Variants in MYO6 observed in about 807,000 individuals in gnomAD.
The protein encoded by MYO6 is unconventional myosin-VI.
In MYO6, 74 loss-of-function variants were observed where a neutral mutation model predicts 178.7. That is an observed-to-expected ratio of 0.41 (90% confidence interval 0.34 to 0.50). MYO6 has a LOEUF of 0.50. Ranked by LOEUF, MYO6 falls within the 20% of genes least tolerant of loss-of-function variation. The pLI, the probability that MYO6 is intolerant of heterozygous loss-of-function variation, is 0.09. For synonymous variants in MYO6, 477 were observed against 504.6 expected (o/e 0.95, Z 0.73); for missense variants, 1,330 against 1,547.4 (o/e 0.86, Z 2.36).
At chr6:75,758,506 G>T (rs1393139517) in intron 1 of MYO6, among the ~76,000 whole-genome samples, 1 of 152,070 alleles carries the variant, frequency 6.6e-6, no homozygotes, top group Admixed American at 6.6e-5. Context: ...TGTCACCCAG[G>T]CTGGAGTGCA....
chr6:75,755,611 G>A (rs1040586051), intron 1 of MYO6, among the ~76,000 whole-genome samples: 1 of 152,126 alleles, frequency 6.6e-6, no homozygotes, highest in Non-Finnish European at 1.5e-5. Context: ...ATGTTCTGGG[G>A]GAATTTTGAA....
At chr6:75,855,731 G>T (rs1775673020) in intron 12 of MYO6, among the ~76,000 whole-genome samples, 1 of 152,072 alleles carries the variant, frequency 6.6e-6, no homozygotes, top group Non-Finnish European at 1.5e-5. Flanking sequence ...GCTTAACCAA[G>T]ATTTTAAAAA....
At chr6:75,781,746 C>T (rs1767001144) in intron 1 of MYO6, among the ~76,000 whole-genome samples, 1 of 151,748 alleles carries the variant, frequency 6.6e-6, no homozygotes, top group Non-Finnish European at 1.5e-5. Flanking sequence ...TATGGTGAAA[C>T]CCTGTCTCTA....
chr6:75,914,161 G>T lies in MYO6; in HGVS notation c.3538G>T (p.Asp1180Tyr), dbSNP rs779535270. The T allele has an allele frequency of 1.2e-6, 2 of 1,614,060 alleles. No individual in the cohort carries two copies. Among genetic ancestry groups the T allele is most frequent in the Non-Finnish European group, 1.7e-6 (2 of 1,180,018 alleles). The change falls in exon 34 of 35, where the codon GAC (aspartate) becomes TAC (tyrosine). Residue 1180 changes from aspartate to tyrosine, a missense_variant. Around this residue, in one of 3 missense-constraint regions of MYO6, gnomAD observed 601 missense variants for 626.1 expected, o/e 0.96. Transcript: ENST00000369977. ...FFRIPFIRPA[D>Y]QYKDPQSKKK... ...CCGCATCCCATTCATCCGCCCTGCC[G>T]ACCAGTACAAAGACCCTCAGAGTAA...
chr6:75,867,156 G>T, intron 18 of MYO6, 51 bp downstream of exon 18: 1 of 1,392,420 alleles, frequency 7.2e-7, no homozygotes, highest in Non-Finnish European at 9.8e-7. Flanking sequence ...TGAAATTATT[G>T]TTTTATATTC....
chr6:75,882,805 G>GA (rs1778149478), intron 23 of MYO6, among the ~76,000 whole-genome samples: 1 of 152,062 alleles, frequency 6.6e-6, no homozygotes, highest in African/African-American at 2.4e-5. Context: ...AACAGGAGCA[G>GA]ACAAACCGTA....
chr6:75,909,603 T>C (rs770342584), intron 32 of MYO6, among the ~76,000 whole-genome samples: 1 of 152,218 alleles, frequency 6.6e-6, no homozygotes, highest in African/African-American at 2.4e-5. Flanking sequence ...ATGCATGAGC[T>C]TTAACATTAA....
intron 22 of MYO6, among the ~76,000 whole-genome samples, chr6:75,881,432 C>A (rs1005025536): frequency 2.8e-5 from 4 of 140,472 alleles, no homozygotes; most frequent in African/African-American, 1.1e-4. Context: ...ATCCCCCCCC[C>A]CCACTTTTGT....
chr6:75,895,370 G>C, intron 29 of MYO6, 110 bp downstream of exon 29: 2 of 867,278 alleles, frequency 2.3e-6, no homozygotes, highest in Non-Finnish European at 3.7e-6. Flanking sequence ...AAGGTAATGA[G>C]ATAACCTTTT....
chr6:75,871,547 G>C (rs1320655046), intron 19 of MYO6, among the ~76,000 whole-genome samples: 2 of 152,204 alleles, frequency 1.3e-5, no homozygotes, highest in Non-Finnish European at 2.9e-5. Flanking sequence ...ACGGCACCTA[G>C]TTAGAACTTG....
intron 11 of MYO6, among the ~76,000 whole-genome samples, chr6:75,850,036 T>G (rs896871017): frequency 1.3e-5 from 2 of 152,008 alleles, no homozygotes; most frequent in South Asian, 2.1e-4. Flanking sequence ...TATGGCAAAA[T>G]TTTTGCTGTT....
At chr6:75,869,069 CA>C (rs1357408292) in intron 18 of MYO6, among the ~76,000 whole-genome samples, 252 of 88,718 alleles carry the variant, frequency 2.8e-3, no homozygotes, top group Non-Finnish European at 4.7e-3. Flanking sequence ...ACTTTATCTC[CA>C]TTTTTTTTTT....
chr6:75,793,286 A>G (rs1359703490), intron 1 of MYO6, among the ~76,000 whole-genome samples: 3 of 152,180 alleles, frequency 2.0e-5, no homozygotes, highest in African/African-American at 4.8e-5. Flanking sequence ...AGACAATTAT[A>G]TTACTAAGGA....
chr6:75,852,005 TA>T (rs751259932), intron 11 of MYO6, among the ~76,000 whole-genome samples: 65 of 152,282 alleles, frequency 4.3e-4, no homozygotes, highest in Admixed American at 1.6e-3. Flanking sequence ...AAAATGTTAT[TA>T]TAAGAAACTT....
chr6:75,915,825 G>T lies in MYO6; in HGVS notation c.*813G>T, dbSNP rs747312086. 6.6e-6 allele frequency: 1 copy of T among 152,592 alleles called. No homozygotes were observed. The highest frequency in any genetic ancestry group is 1.5e-5 in the Non-Finnish European group (1 of 68,014). 9.5% of individuals were successfully genotyped at this position (152,592 alleles called of 1,614,324 possible). ...TTTTAGGTGGCATAGTGGCTTAACT[G>T]GACTGAATTCAAATATTCTTTCAAC... is the stretch of plus-strand genomic sequence containing the variant. On this transcript the variant is annotated 3_prime_UTR_variant, in exon 35 of 35. Transcript: ENST00000369977.
At chr6:75,809,702 G>A (rs192675889) in intron 1 of MYO6, among the ~76,000 whole-genome samples, 2 of 152,050 alleles carry the variant, frequency 1.3e-5, no homozygotes, top group East Asian at 3.9e-4. Flanking sequence ...TTTCTGATTG[G>A]CCGTTGAAAG....
At chr6:75,912,465 T>C (rs1240484679) in intron 33 of MYO6, among the ~76,000 whole-genome samples, 2 of 152,060 alleles carry the variant, frequency 1.3e-5, no homozygotes, top group Non-Finnish European at 2.9e-5. Flanking sequence ...CAGATAAGTA[T>C]TCGTTTCTAG....
chr6:75,788,647 A>C (rs2150077855), intron 1 of MYO6, among the ~76,000 whole-genome samples: 1 of 152,348 alleles, frequency 6.6e-6, no homozygotes, highest in East Asian at 1.9e-4. Context: ...CATGTTGGCC[A>C]GGCTGGTCTT....
chr6:75,832,011 T>C (rs1326440825), intron 5 of MYO6, among the ~76,000 whole-genome samples: 1 of 152,194 alleles, frequency 6.6e-6, no homozygotes, highest in African/African-American at 2.4e-5. Flanking sequence ...TCTTGGCACA[T>C]GTCTGAGGTG....
Sources: allele counts gnomAD v4.1 joint callset (sites outside exome capture counted in the v4.1 genomes callset), GRCh38; gene constraint gnomAD v4.1.1; regional missense constraint gnomAD v4.1.1; transcripts MANE v1.5; gene names NCBI Gene and HGNC (gene_info 2026-07-23, HGNC 2026-07-21).